ALDH18A1: variants seen among roughly 807,000 people sequenced by gnomAD.
The protein encoded by ALDH18A1 is aldehyde dehydrogenase 18 family member A1.
ALDH18A1 carries 44 observed loss-of-function variants against 88.8 expected under a neutral mutation model. The observed-to-expected ratio is 0.50, with a 90% CI of 0.39 to 0.64. The LOEUF (loss-of-function observed/expected upper bound fraction) is 0.64, where lower values mean the gene tolerates loss of function less well. ALDH18A1 is among the 30% of genes least tolerant of loss of function. ALDH18A1 has a pLI of 0.00. For synonymous variants in ALDH18A1, 331 were observed against 372.1 expected, an observed-to-expected ratio of 0.89 and a Z score of 1.27; for missense variants, 782 against 1,009.5, an observed-to-expected ratio of 0.77 and a Z score of 3.05.
chr10:95,614,333 TG>T (rs2097840947), intron 13 of ALDH18A1, among the ~76,000 whole-genome samples, 172 bp from the exon 14 acceptor site: 2 of 152,354 alleles, frequency 1.3e-5, no homozygotes, highest in Middle Eastern at 6.8e-3. Flanking sequence ...ATCAAAAAGT[TG>T]TCCAGCAAAT....
intron 15 of ALDH18A1, among the ~76,000 whole-genome samples, chr10:95,612,318 G>A (rs1000679786): frequency 1.3e-5 from 2 of 152,216 alleles, no homozygotes; most frequent in African/African-American, 2.4e-5. Flanking sequence ...TCCTGCTGCT[G>A]GTTAGAGGAA....
intron 2 of ALDH18A1, among the ~76,000 whole-genome samples, chr10:95,650,874 C>T (rs1200784511): frequency 1.3e-5 from 2 of 152,126 alleles, no homozygotes; most frequent in African/African-American, 4.8e-5. Flanking sequence ...AGGCTCATGC[C>T]TATAATCCCA....
intron 3 of ALDH18A1, among the ~76,000 whole-genome samples, chr10:95,642,233 G>A (rs1216796436): frequency 6.6e-6 from 1 of 152,096 alleles, no homozygotes; most frequent in Non-Finnish European, 1.5e-5. Context: ...ATCAGCTCAC[G>A]GCCACGCTCA....
At chr10:95,628,689 ATTTC>A in intron 7 of ALDH18A1, 197 bp from the exon 8 acceptor site, 1 of 615,316 alleles carries the variant, frequency 1.6e-6, no homozygotes, top group Non-Finnish European at 2.8e-6. Flanking sequence ...ACCTTACATT[ATTTC>A]TATAACCTGG....
At chr10:95,607,341 G>C (rs2097824664) in intron 17 of ALDH18A1, among the ~76,000 whole-genome samples, 1 of 152,180 alleles carries the variant, frequency 6.6e-6, no homozygotes, top group African/African-American at 2.4e-5. Context: ...TTAAATCTTA[G>C]AAAGAAAGGG....
At chr10:95,635,167 T>C (rs1407918801) in intron 5 of ALDH18A1, among the ~76,000 whole-genome samples, 2 of 152,156 alleles carry the variant, frequency 1.3e-5, no homozygotes, top group African/African-American at 4.8e-5. Context: ...ATGGAGCATA[T>C]TTTTGAAAGG....
rs114093728 is a variant in ALDH18A1, at chr10:95,646,129, G to T, written c.89-2923C>A. Among the ~76,000 whole-genome samples the T allele has an allele frequency of 3.3e-3, 505 of 152,260 alleles. 2 individuals carry two copies. Among genetic ancestry groups the T allele is most frequent in the African/African-American group, 0.012 (478 of 41,548 alleles). The stretch of plus-strand genomic sequence containing the variant: ...AGTATCATGTATTATCCTTTTGGTA[G>T]CTGTCAGATCTAGGCTTTCTGGCTT... On this transcript the variant is annotated intron_variant, in intron 2 of 17. Transcript: ENST00000371224.
intron 15 of ALDH18A1, among the ~76,000 whole-genome samples, 175 bp downstream of exon 15, chr10:95,613,567 T>A (rs1414016153): frequency 6.6e-6 from 1 of 152,232 alleles, no homozygotes; most frequent in African/African-American, 2.4e-5. Context: ...TTGGTTCGAC[T>A]ACTAGAGGGC....
intron 7 of ALDH18A1, among the ~76,000 whole-genome samples, chr10:95,629,250 AC>A (rs1022039248): frequency 5.3e-5 from 8 of 152,178 alleles, no homozygotes; most frequent in African/African-American, 9.6e-5. Context: ...TTAAATCAAG[AC>A]CTAAAGTGGA....
chr10:95,653,354 A>G lies in ALDH18A1; in HGVS notation c.24T>C (p.Cys8=). 6.2e-7 allele frequency: 1 copy of G among 1,613,448 alleles called. No homozygotes were observed. Among genetic ancestry groups the G allele is most frequent in the South Asian group, 1.1e-5 (1 of 91,040 alleles). The part of the protein sequence containing the change: MLSQVYR[C]GFQPFNQHLL... Reference sequence around the variant, plus strand: ...GATGTTGGTTGAAGGGCTGGAACCCACAGCGGTAAACTTGACTCAACATGC... The same window carrying G: ...GATGTTGGTTGAAGGGCTGGAACCCGCAGCGGTAAACTTGACTCAACATGC... The change falls in exon 2 of 18, where the codon TGT becomes TGC. Residue 8 remains cysteine, a synonymous_variant. Coordinates refer to ENST00000371224, the MANE Select transcript of ALDH18A1 (RefSeq NM_002860.4).
At chr10:95,649,502 C>T (rs1416044348) in intron 2 of ALDH18A1, among the ~76,000 whole-genome samples, 1 of 151,674 alleles carries the variant, frequency 6.6e-6, no homozygotes, top group African/African-American at 2.4e-5. Flanking sequence ...CTACAGGCAC[C>T]TGCCACCACA....
chr10:95,629,512 A>C (rs1022057122), intron 7 of ALDH18A1, among the ~76,000 whole-genome samples: 7 of 152,210 alleles, frequency 4.6e-5, no homozygotes, highest in African/African-American at 1.7e-4. Context: ...AAGAAAAAAT[A>C]ACCTTTCACA....
intron 2 of ALDH18A1, among the ~76,000 whole-genome samples, chr10:95,644,031 T>C (rs1471574949): frequency 1.3e-5 from 2 of 152,136 alleles, no homozygotes; most frequent in Non-Finnish European, 2.9e-5. Context: ...TAATCCCAGC[T>C]ACTCAGGTGG....
intron 17 of ALDH18A1, among the ~76,000 whole-genome samples, chr10:95,608,117 A>G (rs1002001450): frequency 1.3e-5 from 2 of 152,254 alleles, no homozygotes; most frequent in African/African-American, 4.8e-5. Context: ...AATGCTCAGT[A>G]AAATCTGTTA....
intron 15 of ALDH18A1, among the ~76,000 whole-genome samples, chr10:95,613,377 G>A (rs1388414436): frequency 6.6e-6 from 1 of 152,106 alleles, no homozygotes; most frequent in Non-Finnish European, 1.5e-5. Context: ...GGTTTGAAAC[G>A]TTTCTGCACC....
At chr10:95,628,586 C>T (rs1406732918) in intron 7 of ALDH18A1, 94 bp from the exon 8 acceptor site, 5 of 1,492,840 alleles carry the variant, frequency 3.3e-6, no homozygotes, top group East Asian at 4.7e-5. Flanking sequence ...CTGTACTTTA[C>T]TCATCCAAAT....
intron 11 of ALDH18A1, among the ~76,000 whole-genome samples, chr10:95,621,828 C>T (rs1251664428): frequency 6.6e-6 from 1 of 152,092 alleles, no homozygotes; most frequent in Non-Finnish European, 1.5e-5. Context: ...AATAAGGATA[C>T]TTAGCATGGC....
At chr10:95,636,058 C>T (rs1043726990) in intron 5 of ALDH18A1, among the ~76,000 whole-genome samples, 7 of 152,104 alleles carry the variant, frequency 4.6e-5, no homozygotes, top group Non-Finnish European at 1.0e-4. Context: ...GGGACAAGTC[C>T]GTGCCTTTCT....
At chr10:95,609,432 C>A (rs1589473864) in intron 17 of ALDH18A1, among the ~76,000 whole-genome samples, 1 of 152,186 alleles carries the variant, frequency 6.6e-6, no homozygotes, top group Admixed American at 6.5e-5. Context: ...CCTGGCTGTG[C>A]CATTTTGACG....
Sources: allele counts gnomAD v4.1 joint callset (sites outside exome capture counted in the v4.1 genomes callset), GRCh38; gene constraint gnomAD v4.1.1; transcripts MANE v1.5; gene names NCBI Gene and HGNC (gene_info 2026-07-23, HGNC 2026-07-21).